Variants in SYTL5 observed in about 807,000 individuals in gnomAD.
SYTL5 encodes synaptotagmin like 5, also known as synaptotagmin-like protein 5.
In SYTL5, 34 loss-of-function variants were observed where a neutral mutation model predicts 55.9. The ratio of observed to expected loss-of-function variants is 0.61; its 90% confidence interval spans 0.46 to 0.81. The LOEUF (loss-of-function observed/expected upper bound fraction) is 0.81, where lower values mean the gene tolerates loss of function less well. Among genes scored for constraint, SYTL5 ranks in the 30% least tolerant of loss-of-function variants. SYTL5 has a pLI of 0.00. For missense variants in SYTL5, 637 were observed against 546.7 expected (o/e 1.17, Z -1.65); for synonymous variants, 221 against 188.7 (o/e 1.17, Z -1.40).
chrX:37,908,732 CTG>C, the SYTL5 span, among the ~76,000 whole-genome samples: 6 of 108,716 alleles, frequency 5.5e-5, no homozygotes, highest in Non-Finnish European at 3.8e-5. Context: ...TGCACCTTGC[CTG>C]TGTGTGTGTG....
chrX:38,116,286 T>A (rs1424652186), intron 13 of SYTL5, among the ~76,000 whole-genome samples: 1 of 112,266 alleles, frequency 8.9e-6, no homozygotes, highest in East Asian at 2.8e-4. Flanking sequence ...TCCATTGGTG[T>A]TATGTATCTG....
the SYTL5 span, among the ~76,000 whole-genome samples, chrX:37,901,537 C>G: frequency 9.0e-6 from 1 of 111,610 alleles, no homozygotes; most frequent in Non-Finnish European, 1.9e-5. Context: ...TCCTGTCTCT[C>G]CTCTACACTC....
At chrX:38,103,521 A>G (rs923714311) in intron 10 of SYTL5, among the ~76,000 whole-genome samples, 1 of 110,168 alleles carries the variant, frequency 9.1e-6, no homozygotes, top group Non-Finnish European at 1.9e-5. Flanking sequence ...AAATGTGGCT[A>G]CAGAGATCTA....
chrX:37,953,069 G>A, the SYTL5 span, among the ~76,000 whole-genome samples: 12 of 111,406 alleles, frequency 1.1e-4, no homozygotes, highest in African/African-American at 3.9e-4. Context: ...TATTCACTCT[G>A]GAGCGAGTTG....
In SYTL5 at chrX:38,127,814, C is replaced by G. The variant is rs1201274298; in HGVS notation, c.*1084C>G. ...TGCTTCCTGCTATAGGCCTGAGGTT[C>G]TAGGGCTTCTTATGCCTCATCCTCT... On this transcript the variant is annotated 3_prime_UTR_variant, in exon 17 of 17. Coordinates refer to ENST00000297875, the MANE Select transcript of SYTL5 (RefSeq NM_138780.3). The G allele has an allele frequency of 8.9e-6, 1 of 112,138 alleles. No individual in the cohort carries two copies. The highest frequency in any genetic ancestry group is 1.9e-5 in the Non-Finnish European group (1 of 53,246). The allele number at this position is 112,138 out of a possible 1,213,427, so 9.2% of individuals were successfully genotyped here.
the SYTL5 span, among the ~76,000 whole-genome samples, chrX:37,990,332 G>A: frequency 1.8e-5 from 2 of 112,072 alleles, no homozygotes; most frequent in African/African-American, 6.5e-5. Context: ...ATATTCATCA[G>A]TAATATTAAA....
At chrX:37,933,964 A>G in the SYTL5 span, among the ~76,000 whole-genome samples, 3 of 111,315 alleles carry the variant, frequency 2.7e-5, no homozygotes, top group Non-Finnish European at 5.7e-5. Context: ...GGTTTCAGAC[A>G]TGTAAGGAAA....
At chrX:38,086,500 T>G (rs1281500834) in intron 6 of SYTL5, among the ~76,000 whole-genome samples, 2 of 112,217 alleles carry the variant, frequency 1.8e-5, no homozygotes, top group Non-Finnish European at 3.8e-5. Context: ...ATCCCCACAT[T>G]TGGGCCTTTT....
At chrX:38,034,745 C>T (rs1034318440) in intron 2 of SYTL5, among the ~76,000 whole-genome samples, 1 of 112,399 alleles carries the variant, frequency 8.9e-6, no homozygotes, top group Non-Finnish European at 1.9e-5. Flanking sequence ...TTGGTTGCGT[C>T]GCCTGCTCTA....
At chrX:38,099,531 A>G (rs1298162692) in intron 9 of SYTL5, among the ~76,000 whole-genome samples, 1 of 111,408 alleles carries the variant, frequency 9.0e-6, no homozygotes, top group African/African-American at 3.2e-5. Context: ...CTGCAAACAG[A>G]CAATTTTACT....
chrX:38,035,547 C>A (rs1184694525), intron 2 of SYTL5, among the ~76,000 whole-genome samples: 1 of 103,630 alleles, frequency 9.6e-6, no homozygotes, highest in Non-Finnish European at 2.0e-5. Flanking sequence ...GCCGAGATTG[C>A]GCCACTGCAC....
At chrX:37,966,000 A>G in the SYTL5 span, among the ~76,000 whole-genome samples, 711 of 112,439 alleles carry the variant, frequency 6.3e-3, 6 homozygotes, top group African/African-American at 0.022. Context: ...TAAACCTAAA[A>G]TGAGTCTATT....
intron 13 of SYTL5, among the ~76,000 whole-genome samples, chrX:38,115,480 T>A: frequency 1.9e-5 from 1 of 53,240 alleles, no homozygotes; most frequent in African/African-American, 9.7e-5. Flanking sequence ...CGAGACTCCG[T>A]CTCAAAAAAA....
chrX:38,002,042 A>T (rs1228574503), upstream of SYTL5, among the ~76,000 whole-genome samples: 1 of 105,978 alleles, frequency 9.4e-6, no homozygotes, highest in Non-Finnish European at 1.9e-5. Flanking sequence ...CAGTCCCCAG[A>T]GTGTGATGTT....
the SYTL5 span, among the ~76,000 whole-genome samples, chrX:37,931,576 A>G: frequency 9.0e-6 from 1 of 110,729 alleles, no homozygotes; most frequent in African/African-American, 3.3e-5. Flanking sequence ...TTTATTACCT[A>G]CTTTACCCAC....
chrX:37,968,955 T>C, the SYTL5 span, among the ~76,000 whole-genome samples: 17 of 112,323 alleles, frequency 1.5e-4, no homozygotes, highest in South Asian at 6.3e-3. Context: ...AATTTCTTTA[T>C]ATTACACCCT....
At chrX:38,013,330 A>G (rs958434408) in intron 1 of SYTL5, among the ~76,000 whole-genome samples, 11 of 112,290 alleles carry the variant, frequency 9.8e-5, no homozygotes, top group African/African-American at 3.6e-4. Flanking sequence ...ATATAACTAA[A>G]TATTGGCTCA....
chrX:38,006,294 G>T (rs757594458), upstream of SYTL5, among the ~76,000 whole-genome samples: 2 of 111,704 alleles, frequency 1.8e-5, no homozygotes, highest in Admixed American at 9.5e-5. Context: ...GAGATTTTCA[G>T]GGGTAGAAGA....
chrX:37,945,105 T>C, the SYTL5 span, among the ~76,000 whole-genome samples: 1 of 113,200 alleles, frequency 8.8e-6, no homozygotes, highest in African/African-American at 3.2e-5. Flanking sequence ...AGCAGAGATA[T>C]AGGTATAGTA....
Sources: gnomAD v4.1 joint callset for allele counts (sites outside exome capture counted in the v4.1 genomes callset) on GRCh38, gnomAD v4.1.1 for gene constraint, MANE v1.5 for transcripts, NCBI Gene and HGNC (gene_info 2026-07-23, HGNC 2026-07-21) for gene names.